MAP4: variants seen among roughly 807,000 people sequenced by gnomAD.
MAP4 encodes microtubule associated protein 4.
MAP4 carries 76 observed loss-of-function variants against 170.2 expected under a neutral mutation model. The observed-to-expected ratio is 0.45, with a 90% CI of 0.37 to 0.54. The LOEUF (loss-of-function observed/expected upper bound fraction) is 0.54, where lower values mean the gene tolerates loss of function less well. Among genes scored for constraint, MAP4 ranks in the 20% least tolerant of loss-of-function variants. The probability of loss-of-function intolerance (pLI) is 0.00; values close to 1 mark genes in which losing one functional copy is unlikely to be tolerated. For missense variants in MAP4, 2,506 were observed against 2,748.0 expected, an observed-to-expected ratio of 0.91 and a Z score of 1.97; for synonymous variants, 909 against 994.5, an observed-to-expected ratio of 0.91 and a Z score of 1.62.
intron 1 of MAP4, among the ~76,000 whole-genome samples, chr3:48,054,254 C>T (rs762776071): frequency 4.6e-5 from 7 of 150,660 alleles, no homozygotes; most frequent in Non-Finnish European, 3.0e-5. Context: ...GCCGAGATCG[C>T]GCCATTGCAC....
intron 1 of MAP4, among the ~76,000 whole-genome samples, chr3:48,079,826 T>C (rs1006235786): frequency 1.3e-5 from 2 of 151,606 alleles, no homozygotes; most frequent in African/African-American, 2.4e-5. Context: ...GGCAGGTACT[T>C]GTAGTCCCAG....
At chr3:47,924,047 G>A (rs866934295) in intron 4 of MAP4, among the ~76,000 whole-genome samples, 20 of 152,152 alleles carry the variant, frequency 1.3e-4, no homozygotes, top group Admixed American at 5.2e-4. Flanking sequence ...TAAATTACTT[G>A]TAAAAATAGA....
At chr3:47,986,654 T>A (rs13074973) in intron 2 of MAP4, among the ~76,000 whole-genome samples, 91,952 of 152,008 alleles carry the variant, frequency 0.6, 29,070 homozygotes, top group East Asian at 0.72. Context: ...TGCTCTTCTT[T>A]CAGACTAGGG....
intron 1 of MAP4, among the ~76,000 whole-genome samples, chr3:48,074,723 T>TGTGTGTGTGTGTGTGTGTGTGTGA (rs1559906380): frequency 1.3e-5 from 2 of 149,298 alleles, no homozygotes; most frequent in East Asian, 2.0e-4. Flanking sequence ...TGTGTGTGTG[T>TGTGTGTGTGTGTGTGTGTGTGTGA]GTGATATGTC....
chr3:47,955,040 A>T (rs1026659236), intron 3 of MAP4, among the ~76,000 whole-genome samples: 1 of 152,152 alleles, frequency 6.6e-6, no homozygotes, highest in Admixed American at 6.6e-5. Context: ...CCATCAAAAG[A>T]CTTGAAAGAA....
chr3:47,931,368 A>AT (rs754753272), intron 3 of MAP4, among the ~76,000 whole-genome samples: 23 of 152,252 alleles, frequency 1.5e-4, no homozygotes, highest in Non-Finnish European at 2.8e-4. Flanking sequence ...AAAAGGCCCT[A>AT]TTTTTTAAAA....
chr3:47,948,334 A>G (rs2100061458), intron 3 of MAP4, among the ~76,000 whole-genome samples: 1 of 150,754 alleles, frequency 6.6e-6, no homozygotes, highest in Non-Finnish European at 1.5e-5. Flanking sequence ...CCTGGGCTCA[A>G]GCGATCCTCC....
chr3:47,881,448 A>C (rs1335687661), intron 10 of MAP4, among the ~76,000 whole-genome samples: 8 of 10,216 alleles, frequency 7.8e-4, no homozygotes, highest in Admixed American at 2.7e-3. Context: ...AAAAACAACT[A>C]TATATATATA....
chr3:48,006,148 T>C (rs1001957049), intron 1 of MAP4, among the ~76,000 whole-genome samples: 3 of 152,220 alleles, frequency 2.0e-5, no homozygotes, highest in South Asian at 4.2e-4. Context: ...AAAAAGAGAA[T>C]CATGGCCCCT....
chr3:47,932,367 T>C (rs867441629), intron 3 of MAP4, among the ~76,000 whole-genome samples: 4 of 152,222 alleles, frequency 2.6e-5, no homozygotes, highest in Non-Finnish European at 4.4e-5. Flanking sequence ...TTGGATATTG[T>C]GAATAATGCT....
chr3:47,919,573 G>A (rs1183950393), intron 5 of MAP4, among the ~76,000 whole-genome samples: 1 of 152,138 alleles, frequency 6.6e-6, no homozygotes, highest in African/African-American at 2.4e-5. Context: ...CTCCCAACGT[G>A]CTGGGATTAC....
At chr3:47,896,568 T>C in intron 10 of MAP4, among the ~76,000 whole-genome samples, 1 of 151,784 alleles carries the variant, frequency 6.6e-6, no homozygotes, top group Non-Finnish European at 1.5e-5. Context: ...AAACTGTACA[T>C]ATATATATAT....
chr3:47,926,971 C>T (rs952518648), intron 4 of MAP4, among the ~76,000 whole-genome samples: 3 of 151,976 alleles, frequency 2.0e-5, no homozygotes, highest in African/African-American at 7.3e-5. Context: ...TTGAGATCAG[C>T]CTGGCCAACA....
At chr3:47,866,316 AAC>A (rs752418074) in intron 17 of MAP4, among the ~76,000 whole-genome samples, 2 of 151,840 alleles carry the variant, frequency 1.3e-5, no homozygotes, top group South Asian at 2.1e-4. Flanking sequence ...CAGCCTGGGC[AAC>A]AGAGTGAACT....
At chr3:47,863,046 G>A (rs1004101212) in intron 17 of MAP4, among the ~76,000 whole-genome samples, 5 of 150,672 alleles carry the variant, frequency 3.3e-5, no homozygotes, top group South Asian at 2.1e-4. Flanking sequence ...GCACAATCTC[G>A]GCTCACCATA....
chr3:47,995,841 T>A (rs985139575), intron 2 of MAP4, among the ~76,000 whole-genome samples: 9 of 152,132 alleles, frequency 5.9e-5, no homozygotes, highest in Non-Finnish European at 1.0e-4. Context: ...AGCTCTCCTG[T>A]ATCAGAGCAT....
At chr3:48,075,232 T>C (rs183246494) in intron 1 of MAP4, among the ~76,000 whole-genome samples, 17 of 152,174 alleles carry the variant, frequency 1.1e-4, no homozygotes, top group African/African-American at 4.1e-4. Context: ...TGCAATAGAA[T>C]TGAAAGTCCA....
chr3:47,958,579 C>T (rs1407259297), intron 3 of MAP4, among the ~76,000 whole-genome samples: 3 of 151,870 alleles, frequency 2.0e-5, no homozygotes, highest in Admixed American at 6.6e-5. Flanking sequence ...TGCAGTGGTG[C>T]GATCTTGACT....
upstream of MAP4, among the ~76,000 whole-genome samples, chr3:48,021,104 C>T (rs1160498771): frequency 6.6e-6 from 1 of 152,066 alleles, no homozygotes; most frequent in Admixed American, 6.6e-5. Context: ...ATAAAATTCA[C>T]TGAAATGAAA....
Sources: gnomAD v4.1 joint callset for allele counts (sites outside exome capture counted in the v4.1 genomes callset) on GRCh38, gnomAD v4.1.1 for gene constraint, MANE v1.5 for transcripts, NCBI Gene and HGNC (gene_info 2026-07-23, HGNC 2026-07-21) for gene names.